Variants in GSDME observed in about 807,000 individuals in gnomAD.
The protein encoded by GSDME is gasdermin-E.
In GSDME, 44 loss-of-function variants were observed where a neutral mutation model predicts 47.5. The ratio of observed to expected loss-of-function variants is 0.93; its 90% CI spans 0.73 to 1.19. GSDME has a LOEUF of 1.19. GSDME is among the 50% of genes most tolerant of loss of function. GSDME has a pLI of 0.00. For missense variants in GSDME, 663 were observed against 604.2 expected, an observed-to-expected ratio of 1.10 and a Z score of -1.02; for synonymous variants, 258 against 252.8, an observed-to-expected ratio of 1.02 and a Z score of -0.20.
rs1790288512 is a variant in GSDME at position 24,735,804 on chromosome 7, T to TAAAAC, written c.404+8753_404+8757dup. On this transcript the variant is annotated intron_variant, in intron 3 of 9. Transcript: ENST00000645220. This position sits in a 1 kb window ranked among gnomAD's most constrained non-coding sequence, Gnocchi z 4.4. ...ATAAATAAATAAATAAATAAATAAA[T>TAAAAC]AAAACTACAAAAACTTTTCAAGACA... is the stretch of plus-strand genomic sequence containing the variant. Among the ~76,000 whole-genome samples, 1 of 130,978 alleles carries TAAAAC rather than the reference T, an allele frequency of 7.6e-6. No individual in the cohort carries two copies. The highest frequency in any genetic ancestry group is 1.7e-5 in the Non-Finnish European group (1 of 59,698). 85.9% of individuals were successfully genotyped at this position (130,978 alleles called of 152,430 possible).
intron 3 of GSDME, among the ~76,000 whole-genome samples, chr7:24,723,695 T>C (rs1016012942): frequency 1.3e-5 from 2 of 152,182 alleles, no homozygotes; most frequent in African/African-American, 4.8e-5. Flanking sequence ...ATGGCCCACA[T>C]GGCCATAGCA....
At chr7:24,768,210 G>A in the GSDME span, among the ~76,000 whole-genome samples, 77 of 152,324 alleles carry the variant, frequency 5.1e-4, no homozygotes, top group Middle Eastern at 3.4e-3. This position sits in a 1 kb window ranked among gnomAD's most constrained non-coding sequence, Gnocchi z 5.6. Flanking sequence ...CAACTGCAGT[G>A]CGTGGACCAA....
At chr7:24,717,222 A>G (rs199940993) in intron 5 of GSDME, 32 bp downstream of exon 5, 212 of 1,350,968 alleles carry the variant, frequency 1.6e-4, no homozygotes, top group South Asian at 3.2e-4. Flanking sequence ...TCTGCTGGGG[A>G]TCCCTCAGCA....
At chr7:24,731,044 G>A (rs566608448) in intron 3 of GSDME, among the ~76,000 whole-genome samples, 1 of 152,228 alleles carries the variant, frequency 6.6e-6, no homozygotes, top group South Asian at 2.1e-4. Context: ...TTAATAAATT[G>A]GCAGAATTTC....
At chr7:24,704,054 A>T (rs946823398) in intron 8 of GSDME, 2 of 152,210 alleles carry the variant, frequency 1.3e-5, no homozygotes, top group African/African-American at 4.8e-5. Context: ...AGTGTGGTAC[A>T]CTAGGTGCTA....
At position 24,726,379 on chromosome 7, in the gene GSDME, T is replaced by A. The variant is rs1789966337; in HGVS notation, c.405-7161A>T. Among the ~76,000 whole-genome samples the A allele has an allele frequency of 6.6e-6, 1 of 152,156 alleles. No individual in the cohort carries two copies. The highest frequency in any genetic ancestry group is 2.4e-5 in the African/African-American group (1 of 41,428). On this transcript the variant is annotated intron_variant, in intron 3 of 9. Coordinates refer to ENST00000645220, the MANE Select transcript of GSDME (RefSeq NM_001127453.2). The surrounding 1 kb of genome is among the most constrained non-coding windows in gnomAD (Gnocchi z 5.6). ...AGACACAGGAGGGCGAGCTTTGTCATGCAGACCCCACACTTCAACTCTCCT... is the reference window on the plus strand; with the variant it reads ...AGACACAGGAGGGCGAGCTTTGTCAAGCAGACCCCACACTTCAACTCTCCT...
chr7:24,744,797 GCCACCAAGATGT>G lies in GSDME; in HGVS notation c.212-55_212-44del. 1.2e-6 allele frequency: 2 copies of G among 1,605,022 alleles called. No homozygotes were observed. Among genetic ancestry groups the G allele is most frequent in the African/African-American group, 2.7e-5 (2 of 74,888 alleles). ...AGCAGAGGAAGCCGATGATGATAAG[GCCACCAAGATGT>G]CTTGGGTCATTTAGCTTTCCAAGCC... is the stretch of plus-strand genomic sequence containing the variant. On this transcript the variant is annotated intron_variant, in intron 2 of 9. Coordinates refer to ENST00000645220, the MANE Select transcript of GSDME (RefSeq NM_001127453.2). This position sits in a 1 kb window ranked among gnomAD's most constrained non-coding sequence, Gnocchi z 4.5.
intron 3 of GSDME, among the ~76,000 whole-genome samples, chr7:24,737,456 C>T (rs1002056587): frequency 1.3e-5 from 2 of 149,110 alleles, no homozygotes; most frequent in African/African-American, 2.4e-5. Flanking sequence ...GAAATGGGAT[C>T]AAAGCCAAAA....
the GSDME span, among the ~76,000 whole-genome samples, chr7:24,781,411 C>T: frequency 1.2e-4 from 19 of 152,178 alleles, no homozygotes; most frequent in East Asian, 3.1e-3. Flanking sequence ...TACTCATGGC[C>T]GGTGAATTTA....
At chr7:24,710,618 C>T (rs551616388) in intron 5 of GSDME, 2 of 557,590 alleles carry the variant, frequency 3.6e-6, no homozygotes, top group East Asian at 6.2e-5. Flanking sequence ...CATAAAGCTC[C>T]CTAATATATA....
intron 3 of GSDME, among the ~76,000 whole-genome samples, chr7:24,730,686 G>A (rs1002168542): frequency 3.9e-5 from 6 of 152,076 alleles, no homozygotes; most frequent in East Asian, 3.9e-4. Flanking sequence ...GTGGTGGCAC[G>A]CACCTGTAGT....
At chr7:24,758,559 G>C (rs762525444), upstream of GSDME, among the ~76,000 whole-genome samples, 1 of 152,196 alleles carries the variant, frequency 6.6e-6, no homozygotes, top group Non-Finnish European at 1.5e-5. This position sits in a 1 kb window ranked among gnomAD's most constrained non-coding sequence, Gnocchi z 4.6. Context: ...TGCCCTGCGA[G>C]AGCTCACACA....
chr7:24,719,355 G>A lies in GSDME; in HGVS notation c.405-137C>T, dbSNP rs904712806. The A allele has an allele frequency of 6.3e-6, 6 of 955,978 alleles. No homozygotes were observed. The Admixed American group carries it at 9.7e-5, about 16-fold the overall frequency. The allele number at this position is 955,978 out of a possible 1,614,324, so 59.2% of individuals were successfully genotyped here. On this transcript the variant is annotated intron_variant, in intron 3 of 9. Coordinates refer to ENST00000645220, the MANE Select transcript of GSDME (RefSeq NM_001127453.2). ...TTTGTTGATTTCCTCATGATGAAAG[G>A]GGTGGCAGGTCACCTGGAAAGACAT...
chr7:24,743,146 G>A (rs1311237514), intron 3 of GSDME, among the ~76,000 whole-genome samples: 3 of 152,198 alleles, frequency 2.0e-5, no homozygotes, highest in Admixed American at 6.5e-5. Context: ...ACTTGAAGAC[G>A]GCAGCTGCCC....
rs1265919265 is a variant in GSDME at position 24,728,397 on chromosome 7, AC to A, written c.405-9180del. Among the ~76,000 whole-genome samples, 1 of 152,222 alleles carries A rather than the reference AC, an allele frequency of 6.6e-6. No individual in the cohort carries two copies. The highest frequency in any genetic ancestry group is 1.5e-5 in the Non-Finnish European group (1 of 68,042). ...AGATGTTTTCTTATGTGAGATAATA[AC>A]AAATGTTCTTTGCAACCAGACACCC... is the stretch of plus-strand genomic sequence containing the variant. On this transcript the variant is annotated intron_variant, in intron 3 of 9. Transcript: ENST00000645220. The surrounding 1 kb of genome is among the most constrained non-coding windows in gnomAD (Gnocchi z 7.2).
rs1322524856 is a variant in GSDME, at chr7:24,721,116, AGT to A, written c.405-1900_405-1899del. ...GGGCTTCGCTGCCTGATGGCTGCAG[AGT>A]TCCTAGTTGAGGTGACGAAGAAGTT... On this transcript the variant is annotated intron_variant, in intron 3 of 9. Coordinates refer to ENST00000645220, the MANE Select transcript of GSDME (RefSeq NM_001127453.2). This position sits in a 1 kb window ranked among gnomAD's most constrained non-coding sequence, Gnocchi z 4.1. Among the ~76,000 whole-genome samples, 1 of 151,610 alleles carries A rather than the reference AGT, an allele frequency of 6.6e-6. No homozygotes were observed. Among genetic ancestry groups the A allele is most frequent in the African/African-American group, 2.4e-5 (1 of 40,906 alleles).
rs553640483 is a variant in GSDME at position 24,706,510 on chromosome 7, C to T, written c.991-134G>A. 55 of 831,776 alleles carry T rather than the reference C, an allele frequency of 6.6e-5. No homozygotes were observed. In the Admixed American group the frequency reaches 1.1e-3, roughly 17 times the overall value. 51.5% of individuals were successfully genotyped at this position (831,776 alleles called of 1,614,324 possible). On this transcript the variant is annotated intron_variant, in intron 7 of 9. Transcript: ENST00000645220. ...GGAAAGTACGACCCGCAGCTCTTCT[C>T]TACGTTCTGAAATTGCTAATCCTTG...
chr7:24,717,474 T>TG, intron 4 of GSDME, 100 bp from the exon 5 acceptor site: 1 of 1,566,070 alleles, frequency 6.4e-7, no homozygotes, highest in Non-Finnish European at 8.7e-7. Flanking sequence ...TAAGAGATGC[T>TG]GAGCAATGTC....
At chr7:24,787,746 G>A in the GSDME span, among the ~76,000 whole-genome samples, 178 of 151,878 alleles carry the variant, frequency 1.2e-3, 1 homozygote, top group African/African-American at 4.1e-3. This position sits in a 1 kb window ranked among gnomAD's most constrained non-coding sequence, Gnocchi z 5.0. Flanking sequence ...TCGCTCTGTC[G>A]CCCAGGCTGG....
Sources: allele counts gnomAD v4.1 joint callset (sites outside exome capture counted in the v4.1 genomes callset), GRCh38; gene constraint gnomAD v4.1.1; non-coding constraint Gnocchi (gnomAD v3.1); transcripts MANE v1.5; gene names NCBI Gene and HGNC (gene_info 2026-07-23, HGNC 2026-07-21).